PCDHGC4: variants seen among roughly 807,000 people sequenced by gnomAD.
The protein encoded by PCDHGC4 is protocadherin gamma subfamily C, 4.
A neutral mutation model predicts 59.7 loss-of-function variants in PCDHGC4; 15 were observed. The observed-to-expected ratio is 0.25, with a 90% CI of 0.17 to 0.39. The LOEUF (loss-of-function observed/expected upper bound fraction) is 0.39. PCDHGC4 is among the 10% of genes least tolerant of loss of function. The probability of loss-of-function intolerance (pLI) is 1.00; values close to 1 mark genes in which losing one functional copy is unlikely to be tolerated. For missense variants in PCDHGC4, 1,016 were observed against 1,189.5 expected, an observed-to-expected ratio of 0.85 and a Z score of 2.15; for synonymous variants, 434 against 481.4, an observed-to-expected ratio of 0.90 and a Z score of 1.29.
intron 2 of PCDHGC4, among the ~76,000 whole-genome samples, chr5:141,504,178 A>C (rs572543892): frequency 4.5e-4 from 69 of 152,366 alleles, no homozygotes; most frequent in Non-Finnish European, 7.6e-4. Context: ...AAATTCAAAA[A>C]AATCATGAAA....
In PCDHGC4 at chr5:141,487,636, AC is replaced by A. The variant is rs1562120737; in HGVS notation, c.2442+22del. On this transcript the variant is annotated intron_variant, in intron 1 of 3. Coordinates refer to ENST00000306593, the MANE Select transcript of PCDHGC4 (RefSeq NM_018928.3). The surrounding 1 kb of genome is among the most constrained non-coding windows in gnomAD (Gnocchi z 5.0). ...TAGAGGTGAGACCTTTGCAGGCTCA[AC>A]AAATGCTTGAGGGTTATTCTGATCC... 1 of 1,614,192 alleles carries A rather than the reference AC, an allele frequency of 6.2e-7. No individual in the cohort carries two copies. The highest frequency in any genetic ancestry group is 2.2e-5 in the East Asian group (1 of 44,886).
chr5:141,490,726 AATCAGG>A lies in PCDHGC4; in HGVS notation c.2442+3112_2442+3117del. The A allele has an allele frequency of 6.2e-7, 1 of 1,614,202 alleles. No homozygotes were observed. The highest frequency in any genetic ancestry group is 8.5e-7 in the Non-Finnish European group (1 of 1,180,032). On this transcript the variant is annotated intron_variant, in intron 1 of 3. Transcript: ENST00000306593. This position sits in a 1 kb window ranked among gnomAD's most constrained non-coding sequence, Gnocchi z 5.4. Reference sequence around the variant, plus strand: ...CCGCCTCACCTACTCCATTGTAGGAAATCAGGTTCAGGGAGCCCCAGCCTCCTCCTT... The same window carrying A: ...CCGCCTCACCTACTCCATTGTAGGAATTCAGGGAGCCCCAGCCTCCTCCTT...
chr5:141,485,714 G>C lies in PCDHGC4; in HGVS notation c.541G>C (p.Asp181His), dbSNP rs896709540. 6.2e-7 allele frequency: 1 copy of C among 1,614,064 alleles called. No homozygotes were observed. Among genetic ancestry groups the C allele is most frequent in the Non-Finnish European group, 8.5e-7 (1 of 1,180,050 alleles). The change falls in exon 1 of 4, where the codon GAT becomes CAT. Residue 181 changes from aspartate to histidine, a missense_variant. By Grantham distance (81) the Asp-to-His change is moderately conservative. Coordinates refer to ENST00000306593, the MANE Select transcript of PCDHGC4 (RefSeq NM_018928.3). The surrounding 1 kb of genome is among the most constrained non-coding windows in gnomAD (Gnocchi z 5.7). The stretch of plus-strand genomic sequence containing the variant: ...GAGCTCCAATGAACACTTTGCACTG[G>C]ATGTGAAGAAGCGCAGCGACGGCAG... ...RLSSNEHFALDVKKRSDGSLV... is the reference protein window; with the variant it reads ...RLSSNEHFALHVKKRSDGSLV...
chr5:141,496,277 T>C (rs1484877198), intron 2 of PCDHGC4, among the ~76,000 whole-genome samples: 1 of 152,134 alleles, frequency 6.6e-6, no homozygotes, highest in Non-Finnish European at 1.5e-5. Context: ...AGACCTTCAG[T>C]TGGTCTGAGC....
Position 141,511,315 on chromosome 5 carries a change from G to A in PCDHGC4, c.*142G>A. ...AAGGCCATGCTCCCCTTGGGAAACA[G>A]AAACAAGTGCCCAGTCAGCACCTAC... On this transcript the variant is annotated 3_prime_UTR_variant, in exon 4 of 4. Coordinates refer to ENST00000306593, the MANE Select transcript of PCDHGC4 (RefSeq NM_018928.3). 6.8e-7 allele frequency: 1 copy of A among 1,481,384 alleles called. No individual in the cohort carries two copies. Among genetic ancestry groups the A allele is most frequent in the Non-Finnish European group, 9.0e-7 (1 of 1,110,974 alleles). 91.8% of individuals were successfully genotyped at this position (1,481,384 alleles called of 1,614,324 possible).
Position 141,505,432 on chromosome 5 carries a change from C to T in PCDHGC4, c.2541C>T (p.Asn847=), listed in dbSNP as rs776731214. Residue 847 remains asparagine, a synonymous_variant, in exon 3 of 4, where the codon AAC becomes AAT. Transcript: ENST00000306593. ...ATGACACCGGCACCTGGCCCAACAA[C>T]CAGTTTGACACAGAGATGCTGCAAG... ...NGDDTGTWPN[N]QFDTEMLQAM... 6.2e-7 allele frequency: 1 copy of T among 1,614,252 alleles called. No homozygotes were observed. Among genetic ancestry groups the T allele is most frequent in the Non-Finnish European group, 8.5e-7 (1 of 1,180,048 alleles).
At chr5:141,497,969 C>T (rs1595499086) in intron 2 of PCDHGC4, among the ~76,000 whole-genome samples, 1 of 152,160 alleles carries the variant, frequency 6.6e-6, no homozygotes. Flanking sequence ...GCAGTGTTCT[C>T]GATGTGGGAG....
chr5:141,506,447 A>G (rs1405495926), intron 3 of PCDHGC4, among the ~76,000 whole-genome samples: 3 of 146,906 alleles, frequency 2.0e-5, no homozygotes, highest in Non-Finnish European at 3.0e-5. Flanking sequence ...TCTGTCTCAA[A>G]AAAAAAAAAA....
At chr5:141,501,290 TACACACACACACACACAC>T (rs55762287) in intron 2 of PCDHGC4, among the ~76,000 whole-genome samples, 6 of 136,162 alleles carry the variant, frequency 4.4e-5, no homozygotes, top group South Asian at 2.4e-4. Flanking sequence ...TATTCCCTTA[TACACACACACACACACAC>T]ACACACACAC....
In PCDHGC4 at chr5:141,490,537, T is replaced by C; in HGVS notation, c.2442+2922T>C. On this transcript the variant is annotated intron_variant, in intron 1 of 3. Transcript: ENST00000306593. This position sits in a 1 kb window ranked among gnomAD's most constrained non-coding sequence, Gnocchi z 5.4. ...GCTGGCCAGCGATGCTGGTTCACCT[T>C]CCCTACACAAACATCTCACCATCAG... is the stretch of plus-strand genomic sequence containing the variant. 1.9e-6 allele frequency: 3 copies of C among 1,614,180 alleles called. No homozygotes were observed. The highest frequency in any genetic ancestry group is 8.5e-7 in the Non-Finnish European group (1 of 1,180,028).
rs1562150111 is a variant in PCDHGC4, at chr5:141,491,805, T to G, written c.2443-3002T>G. 1 of 1,495,892 alleles carries G rather than the reference T, an allele frequency of 6.7e-7. No homozygotes were observed. 92.7% of individuals were successfully genotyped at this position (1,495,892 alleles called of 1,614,324 possible). A position where few individuals can be genotyped will look rare whatever the true frequency, so the allele number is the denominator to read the frequency against. On this transcript the variant is annotated intron_variant, in intron 1 of 3. Coordinates refer to ENST00000306593, the MANE Select transcript of PCDHGC4 (RefSeq NM_018928.3). This position sits in a 1 kb window ranked among gnomAD's most constrained non-coding sequence, Gnocchi z 6.9. ...TGCATCCACTCCTCTCCGGCCGGCT[T>G]GGTCGCTGGCTGCGCTCCACCCGAT... is the stretch of plus-strand genomic sequence containing the variant.
chr5:141,503,221 C>T (rs528636727), intron 2 of PCDHGC4, among the ~76,000 whole-genome samples: 34 of 152,074 alleles, frequency 2.2e-4, no homozygotes, highest in Middle Eastern at 6.8e-3. Flanking sequence ...CCATGAGCAC[C>T]GTAAAGATGG....
chr5:141,500,839 G>A (rs2099802871), intron 2 of PCDHGC4, among the ~76,000 whole-genome samples: 1 of 151,906 alleles, frequency 6.6e-6, no homozygotes, highest in African/African-American at 2.4e-5. Flanking sequence ...ATGCTAATGG[G>A]CTTTTGCTAC....
chr5:141,495,752 C>G (rs1310125902), intron 2 of PCDHGC4, among the ~76,000 whole-genome samples: 1 of 152,150 alleles, frequency 6.6e-6, no homozygotes, highest in Non-Finnish European at 1.5e-5. Flanking sequence ...TTCTCTATCT[C>G]TGCCTCCCTG....
At chr5:141,505,804 G>A (rs554534524) in intron 3 of PCDHGC4, among the ~76,000 whole-genome samples, 13 of 152,240 alleles carry the variant, frequency 8.5e-5, no homozygotes, top group Admixed American at 3.3e-4. Context: ...GACTTGGATC[G>A]ACTTGCTCAA....
Position 141,487,933 on chromosome 5 carries a change from A to G in PCDHGC4, c.2442+318A>G. ...CACAGGAGGCTACAGTGCACAGGGT[A>G]CAGTGCACCAGGCAGTCACTTGGAC... is the stretch of plus-strand genomic sequence containing the variant. On this transcript the variant is annotated intron_variant, in intron 1 of 3. Coordinates refer to ENST00000306593, the MANE Select transcript of PCDHGC4 (RefSeq NM_018928.3). This position sits in a 1 kb window ranked among gnomAD's most constrained non-coding sequence, Gnocchi z 5.0. 1 of 612,006 alleles carries G rather than the reference A, an allele frequency of 1.6e-6. No homozygotes were observed. Among genetic ancestry groups the G allele is most frequent in the South Asian group, 2.0e-5 (1 of 49,074 alleles). The allele number at this position is 612,006 out of a possible 1,614,324, so 37.9% of individuals were successfully genotyped here. A position where few individuals can be genotyped will look rare whatever the true frequency, so the allele number is the denominator to read the frequency against.
chr5:141,487,675 A>G lies in PCDHGC4; in HGVS notation c.2442+60A>G, dbSNP rs752606441. ...GTTATTCTGATCCAGGCATATGGCT[A>G]GGCCATGTCCTAGAGAGTACTGGCC... On this transcript the variant is annotated intron_variant, in intron 1 of 3. Transcript: ENST00000306593. This position sits in a 1 kb window ranked among gnomAD's most constrained non-coding sequence, Gnocchi z 5.0. 22 of 1,611,038 alleles carry G rather than the reference A, an allele frequency of 1.4e-5. No individual in the cohort carries two copies. Among genetic ancestry groups the G allele is most frequent in the Non-Finnish European group, 1.7e-5 (20 of 1,178,458 alleles).
chr5:141,511,450 C>A lies in PCDHGC4; in HGVS notation c.*277C>A. Reference sequence around the variant, plus strand: ...TGGGGTTACTGTAGACACCAAGAACCATTTGCCACACCCCGTTTAGTTACA... The same window carrying A: ...TGGGGTTACTGTAGACACCAAGAACAATTTGCCACACCCCGTTTAGTTACA... On this transcript the variant is annotated 3_prime_UTR_variant, in exon 4 of 4. Transcript: ENST00000306593. The A allele has an allele frequency of 3.3e-6, 2 of 615,088 alleles. No homozygotes were observed. The highest frequency in any genetic ancestry group is 6.8e-5 in the East Asian group (2 of 29,272). The allele number at this position is 615,088 out of a possible 1,614,324, so 38.1% of individuals were successfully genotyped here.
Position 141,491,103 on chromosome 5 carries a change from G to C in PCDHGC4, c.2442+3488G>C. 1 of 1,614,162 alleles carries C rather than the reference G, an allele frequency of 6.2e-7. No individual in the cohort carries two copies. Among genetic ancestry groups the C allele is most frequent in the South Asian group, 1.1e-5 (1 of 91,082 alleles). On this transcript the variant is annotated intron_variant, in intron 1 of 3. Transcript: ENST00000306593. The surrounding 1 kb of genome is among the most constrained non-coding windows in gnomAD (Gnocchi z 6.9). ...CCACAGCCCCAGGACTGTTCCTCGT[G>C]TCTACACACACTGGTGAGGTGCGCA... is the stretch of plus-strand genomic sequence containing the variant.
Sources: gnomAD v4.1 joint callset for allele counts (sites outside exome capture counted in the v4.1 genomes callset) on GRCh38, gnomAD v4.1.1 for gene constraint, Gnocchi (gnomAD v3.1) non-coding constraint, MANE v1.5 for transcripts, NCBI Gene and HGNC (gene_info 2026-07-23, HGNC 2026-07-21) for gene names.